Variants in ARMC2 observed in about 807,000 individuals in gnomAD.
The protein encoded by ARMC2 is armadillo repeat-containing protein 2.
ARMC2 carries 67 observed loss-of-function variants against 90.3 expected under a neutral mutation model. The observed-to-expected ratio is 0.74, with a 90% confidence interval of 0.61 to 0.91. ARMC2 has a LOEUF of 0.91. Ranked by LOEUF, ARMC2 falls within the 40% of genes least tolerant of loss-of-function variation. ARMC2 has a pLI of 0.00. For synonymous variants in ARMC2, 393 were observed against 393.0 expected (o/e 1.00, Z 0.00); for missense variants, 920 against 1,030.9 (o/e 0.89, Z 1.47).
chr6:108,973,387 A>G lies in ARMC2; in HGVS notation c.2477A>G (p.Asp826Gly), dbSNP rs145013219. 85 of 1,613,714 alleles carry G rather than the reference A, an allele frequency of 5.3e-5. No individual in the cohort carries two copies. In the African/African-American group the frequency reaches 8.7e-4, roughly 16 times the overall value. ...GAACTAGCACTGGATGGCAGTTTTG[A>G]TCCAGACCTAAAAAACTATCACAAA... ...DEELALDGSF[D>G]PDLKNYHKLH... is the part of the protein sequence containing the mutation. The change falls in exon 18 of 18, where the codon GAT becomes GGT. Residue 826 changes from aspartate to glycine, a missense_variant. By Grantham distance (94) the Asp-to-Gly change is moderately conservative. Coordinates refer to ENST00000392644, the MANE Select transcript of ARMC2 (RefSeq NM_032131.6).
chr6:108,863,833 A>G (rs973121373), intron 3 of ARMC2, among the ~76,000 whole-genome samples: 4 of 152,202 alleles, frequency 2.6e-5, no homozygotes, highest in African/African-American at 9.6e-5. Flanking sequence ...ATCACTGCCA[A>G]CATCATCAAA....
chr6:108,892,816 T>C (rs572847618), intron 5 of ARMC2, among the ~76,000 whole-genome samples: 1 of 150,900 alleles, frequency 6.6e-6, no homozygotes, highest in East Asian at 1.9e-4. Context: ...AAATGGTATT[T>C]GGAGAAGCTA....
chr6:108,990,592 A>G, the ARMC2 span: 2 of 1,542,004 alleles, frequency 1.3e-6, no homozygotes, highest in Non-Finnish European at 8.9e-7. Context: ...AAGCACTTGA[A>G]TAATTTGGCC....
Position 108,928,107 on chromosome 6 carries a change from A to C in ARMC2, c.1370A>C (p.Asn457Thr), listed in dbSNP as rs1319967751. The C allele has an allele frequency of 1.2e-6, 2 of 1,604,888 alleles. No homozygotes were observed. Among genetic ancestry groups the C allele is most frequent in the Non-Finnish European group, 1.7e-6 (2 of 1,177,474 alleles). Residue 457 changes from asparagine to threonine, a missense_variant, in exon 11 of 18, where the codon AAC becomes ACC. Coordinates refer to ENST00000392644, the MANE Select transcript of ARMC2 (RefSeq NM_032131.6). ...LLVQVTATLR[N>T]LVDSSLVRSK... ...TCCTAGGTGACTGCTACATTGAGAAACTTGGTTGATTCATCATTAGTAAGA... is the reference window on the plus strand; with the variant it reads ...TCCTAGGTGACTGCTACATTGAGAACCTTGGTTGATTCATCATTAGTAAGA...
the ARMC2 span, chr6:108,988,604 G>A: frequency 6.2e-7 from 1 of 1,613,126 alleles, no homozygotes; most frequent in Non-Finnish European, 8.5e-7. Flanking sequence ...AACCTTTTCA[G>A]GAGTGCAAAC....
intron 12 of ARMC2, among the ~76,000 whole-genome samples, chr6:108,950,222 AAAAC>A (rs1248592066): frequency 2.6e-5 from 4 of 152,206 alleles, no homozygotes; most frequent in Admixed American, 6.5e-5. Flanking sequence ...AAAAACAAAA[AAAAC>A]AAACAAACTT....
rs762009263 is a variant in ARMC2 at position 108,854,219 on chromosome 6, T to C, written c.-43-6T>C. ...TAATGATGGTTTTTGTACCATGTAT[T>C]TGCAGGGTGTGGTGTCTATCTGAAG... is the stretch of plus-strand genomic sequence containing the variant. On this transcript the variant is annotated splice_region_variant and splice_polypyrimidine_tract_variant and intron_variant, in intron 1 of 17. Coordinates refer to ENST00000392644, the MANE Select transcript of ARMC2 (RefSeq NM_032131.6). The C allele has an allele frequency of 9.5e-5, 133 of 1,401,872 alleles. No individual in the cohort carries two copies. The highest frequency in any genetic ancestry group is 1.2e-4 in the Non-Finnish European group (125 of 1,014,932). The allele number at this position is 1,401,872 out of a possible 1,614,324, so 86.8% of individuals were successfully genotyped here. A position where few individuals can be genotyped will look rare whatever the true frequency, so the allele number is the denominator to read the frequency against.
the ARMC2 span, among the ~76,000 whole-genome samples, chr6:109,022,587 A>G: frequency 6.6e-6 from 1 of 151,026 alleles, no homozygotes; most frequent in Non-Finnish European, 1.5e-5. Flanking sequence ...TTTTTGTATT[A>G]TTTATTTTTT....
chr6:108,930,816 C>T (rs1289346190), intron 11 of ARMC2, among the ~76,000 whole-genome samples: 3 of 151,406 alleles, frequency 2.0e-5, no homozygotes, highest in Non-Finnish European at 2.9e-5. Context: ...AGGATGGTCT[C>T]GATATCCTGA....
At chr6:109,012,067 C>T in the ARMC2 span, among the ~76,000 whole-genome samples, 4 of 152,188 alleles carry the variant, frequency 2.6e-5, no homozygotes, top group Admixed American at 2.6e-4. Context: ...CTGCTCCTCT[C>T]AACCTCTAGG....
At chr6:109,048,268 G>A in the ARMC2 span, among the ~76,000 whole-genome samples, 6 of 152,230 alleles carry the variant, frequency 3.9e-5, no homozygotes, top group South Asian at 1.2e-3. Context: ...CTTGTATGTG[G>A]TGCAGGCAGT....
chr6:109,003,091 G>C, the ARMC2 span, among the ~76,000 whole-genome samples: 1 of 152,080 alleles, frequency 6.6e-6, no homozygotes, highest in East Asian at 1.9e-4. Context: ...CTGAAAATCT[G>C]TTAGGGTTTC....
chr6:108,876,011 A>G (rs759366272), intron 4 of ARMC2, 132 bp from the exon 5 acceptor site: 8 of 825,412 alleles, frequency 9.7e-6, no homozygotes, highest in Non-Finnish European at 1.5e-5. Flanking sequence ...TGGCCATAAA[A>G]TTCCAGACTT....
the ARMC2 span, among the ~76,000 whole-genome samples, chr6:109,008,525 A>C: frequency 2.0e-5 from 3 of 152,226 alleles, no homozygotes; most frequent in African/African-American, 7.2e-5. Context: ...TATACTGATA[A>C]TAGACTCCAT....
the ARMC2 span, among the ~76,000 whole-genome samples, chr6:108,989,042 G>A: frequency 2.6e-5 from 4 of 152,048 alleles, no homozygotes; most frequent in Admixed American, 6.6e-5. Context: ...TTGCCCTGTC[G>A]CCCAGGCTGG....
At chr6:109,048,531 T>C in the ARMC2 span, among the ~76,000 whole-genome samples, 1 of 152,206 alleles carries the variant, frequency 6.6e-6, no homozygotes, top group African/African-American at 2.4e-5. Flanking sequence ...TTAGAACAGA[T>C]AGAAGGGCCT....
the ARMC2 span, chr6:108,994,463 TGAAGA>T: frequency 6.2e-7 from 1 of 1,610,970 alleles, no homozygotes; most frequent in East Asian, 2.2e-5. Context: ...TGTTCTTACC[TGAAGA>T]GAAGACAAAC....
At position 108,974,005 on chromosome 6, in the gene ARMC2, T is replaced by C. The variant is rs1778924403; in HGVS notation, c.*491T>C. 1.3e-5 allele frequency: 2 copies of C among 152,280 alleles called. No homozygotes were observed. The highest frequency in any genetic ancestry group is 1.3e-4 in the Admixed American group (2 of 15,288). 9.4% of individuals were successfully genotyped at this position (152,280 alleles called of 1,614,324 possible). ...GGTACCAGTATTTTTTTGGTCTTTA[T>C]ATTAAGAGAAGGAGTAAGCAGAAAA... On this transcript the variant is annotated 3_prime_UTR_variant, in exon 18 of 18. Coordinates refer to ENST00000392644, the MANE Select transcript of ARMC2 (RefSeq NM_032131.6).
the ARMC2 span, among the ~76,000 whole-genome samples, chr6:109,043,116 A>G: frequency 6.6e-6 from 1 of 152,190 alleles, no homozygotes; most frequent in Non-Finnish European, 1.5e-5. Context: ...ATTGATGCAG[A>G]AAAACATTTG....
Sources: gnomAD v4.1 joint callset for allele counts (sites outside exome capture counted in the v4.1 genomes callset) on GRCh38, gnomAD v4.1.1 for gene constraint, MANE v1.5 for transcripts, NCBI Gene and HGNC (gene_info 2026-07-23, HGNC 2026-07-21) for gene names.